Variants in ADAMTSL1 observed in about 807,000 individuals in gnomAD.
ADAMTSL1 encodes the protein ADAMTS like 1.
In ADAMTSL1, 126 loss-of-function variants were observed where a neutral mutation model predicts 201.8. The observed-to-expected ratio is 0.62, with a 90% CI of 0.54 to 0.72. The LOEUF is 0.72. ADAMTSL1 is among the 30% of genes least tolerant of loss of function. ADAMTSL1 has a pLI of 0.00. For missense variants in ADAMTSL1, 2,679 were observed against 2,277.8 expected (o/e 1.18, Z -3.59); for synonymous variants, 1,121 against 903.4 (o/e 1.24, Z -4.32).
chr9:18,651,612 A>C (rs1828260852), intron 7 of ADAMTSL1, among the ~76,000 whole-genome samples: 1 of 152,210 alleles, frequency 6.6e-6, no homozygotes, highest in South Asian at 2.1e-4. Context: ...CAATTTTTAA[A>C]AGGTATTGCA....
At chr9:18,672,588 G>A (rs1829889683) in intron 9 of ADAMTSL1, among the ~76,000 whole-genome samples, 1 of 152,008 alleles carries the variant, frequency 6.6e-6, no homozygotes, top group African/African-American at 2.4e-5. Flanking sequence ...GCATAGATAT[G>A]TACACCATCT....
chr9:18,771,165 C>T (rs1182242429), intron 17 of ADAMTSL1, among the ~76,000 whole-genome samples: 1 of 152,164 alleles, frequency 6.6e-6, no homozygotes, highest in East Asian at 1.9e-4. Context: ...TGTCTCTATT[C>T]AGGAAGGGCA....
At chr9:18,570,225 GAAA>G (rs543906221) in intron 3 of ADAMTSL1, among the ~76,000 whole-genome samples, 2 of 108,206 alleles carry the variant, frequency 1.8e-5, no homozygotes, top group Admixed American at 9.4e-5. Context: ...GCCACAAAAG[GAAA>G]AAAAAAAAAA....
intron 15 of ADAMTSL1, among the ~76,000 whole-genome samples, chr9:18,726,886 C>A (rs1244481549): frequency 1.3e-5 from 2 of 152,188 alleles, no homozygotes; most frequent in Non-Finnish European, 2.9e-5. Flanking sequence ...TACTTGGTTT[C>A]TGCCCTCCCC....
chr9:18,716,016 G>A (rs904697541), intron 14 of ADAMTSL1, among the ~76,000 whole-genome samples: 3 of 150,518 alleles, frequency 2.0e-5, no homozygotes, highest in Non-Finnish European at 3.0e-5. Context: ...AATGGTGCTG[G>A]GAAAACTGGC....
chr9:18,730,665 ATGAT>A (rs1431016711), intron 15 of ADAMTSL1, among the ~76,000 whole-genome samples: 1 of 152,238 alleles, frequency 6.6e-6, no homozygotes, highest in African/African-American at 2.4e-5. Flanking sequence ...TAAGGGAAGA[ATGAT>A]TGTCACTGCA....
chr9:17,943,695 T>C (rs1189896723), intron 1 of ADAMTSL1, among the ~76,000 whole-genome samples: 1 of 152,142 alleles, frequency 6.6e-6, no homozygotes, highest in Admixed American at 6.6e-5. Context: ...GGATTCTTAT[T>C]TGTGCTATTT....
intron 1 of ADAMTSL1, among the ~76,000 whole-genome samples, chr9:18,059,876 C>T (rs1449804598): frequency 6.6e-6 from 1 of 151,884 alleles, no homozygotes; most frequent in Non-Finnish European, 1.5e-5. Context: ...TTTAAGTTCT[C>T]TTTATGTGCA....
chr9:18,837,163 A>C (rs1009738694), intron 23 of ADAMTSL1, among the ~76,000 whole-genome samples: 4 of 152,126 alleles, frequency 2.6e-5, no homozygotes, highest in African/African-American at 9.7e-5. Context: ...TTCTTTTAGC[A>C]TTGTATTTAA....
chr9:17,991,902 C>T lies in ADAMTSL1; in HGVS notation c.87+84980C>T, dbSNP rs566003285. ...GGAACATGAGACAGGGCCCTGCCCC[C>T]GTGGTACCCTGCGACACTGCCTTGC... On this transcript the variant is annotated intron_variant, in intron 1 of 29. Coordinates refer to the ADAMTSL1 transcript ENST00000680146. 5.9e-5 allele frequency among the ~76,000 whole-genome samples: 9 copies of T among 152,228 alleles called. No individual in the cohort carries two copies. In the South Asian group the frequency reaches 1.5e-3, roughly 25 times the overall value.
At chr9:18,491,561 G>C (rs1388761183) in intron 1 of ADAMTSL1, among the ~76,000 whole-genome samples, 1 of 152,156 alleles carries the variant, frequency 6.6e-6, no homozygotes, top group Non-Finnish European at 1.5e-5. Context: ...AAAAAATCAT[G>C]TCATGTTTCA....
intron 2 of ADAMTSL1, among the ~76,000 whole-genome samples, chr9:18,174,229 A>C (rs892110800): frequency 1.3e-5 from 2 of 152,176 alleles, no homozygotes; most frequent in Non-Finnish European, 2.9e-5. Context: ...GGAGTCCCTT[A>C]GTTGTTTGTA....
intron 16 of ADAMTSL1, among the ~76,000 whole-genome samples, chr9:18,769,126 C>G (rs1237210736): frequency 1.3e-5 from 2 of 152,146 alleles, no homozygotes; most frequent in African/African-American, 4.8e-5. Flanking sequence ...AAGGTGAAAG[C>G]TGGGCTGCAG....
chr9:18,263,244 A>C (rs1346213248), intron 2 of ADAMTSL1, among the ~76,000 whole-genome samples: 1 of 152,218 alleles, frequency 6.6e-6, no homozygotes, highest in Non-Finnish European at 1.5e-5. Context: ...TTAGTGCCAG[A>C]TTTAATGGCT....
intron 20 of ADAMTSL1, among the ~76,000 whole-genome samples, chr9:18,797,759 T>C (rs931354902): frequency 8.5e-5 from 13 of 152,326 alleles, no homozygotes; most frequent in African/African-American, 2.9e-4. Context: ...ACAGGGTTGT[T>C]GTGAGGTTAA....
chr9:17,969,077 A>T (rs540958092), intron 1 of ADAMTSL1, among the ~76,000 whole-genome samples: 7 of 152,128 alleles, frequency 4.6e-5, no homozygotes, highest in African/African-American at 1.7e-4. Context: ...CAATTACATT[A>T]TTCAGTACCT....
intron 1 of ADAMTSL1, among the ~76,000 whole-genome samples, chr9:18,037,298 A>G (rs1348051167): frequency 6.6e-6 from 1 of 152,140 alleles, no homozygotes; most frequent in African/African-American, 2.4e-5. Flanking sequence ...AAGGCCTGTC[A>G]GTTTTCACAG....
chr9:18,744,864 C>G (rs373680501), intron 15 of ADAMTSL1, among the ~76,000 whole-genome samples: 3 of 152,158 alleles, frequency 2.0e-5, no homozygotes, highest in South Asian at 4.1e-4. Context: ...AGGTCAGTTA[C>G]TTTGTAAAAC....
At chr9:18,339,432 A>G (rs988348802) in intron 2 of ADAMTSL1, among the ~76,000 whole-genome samples, 1 of 152,198 alleles carries the variant, frequency 6.6e-6, no homozygotes, top group African/African-American at 2.4e-5. Flanking sequence ...CAGAATGGCT[A>G]CTATTAAAAA....
Sources: allele counts gnomAD v4.1 joint callset (sites outside exome capture counted in the v4.1 genomes callset), GRCh38; gene constraint gnomAD v4.1.1; transcripts MANE v1.5; gene names NCBI Gene and HGNC (gene_info 2026-07-23, HGNC 2026-07-21).